Variants in TATDN2 observed in about 807,000 individuals in gnomAD.
TATDN2 encodes TatD DNase domain containing 2.
A neutral mutation model predicts 60.3 loss-of-function variants in TATDN2; 44 were observed. The observed-to-expected ratio is 0.73, with a 90% CI of 0.57 to 0.94. The LOEUF (loss-of-function observed/expected upper bound fraction) is 0.94, where lower values mean the gene tolerates loss of function less well. Among genes scored for constraint, TATDN2 ranks in the 40% least tolerant of loss-of-function variants. The pLI is 0.00. For synonymous variants in TATDN2, 399 were observed against 355.8 expected, an observed-to-expected ratio of 1.12 and a Z score of -1.37; for missense variants, 997 against 948.0, an observed-to-expected ratio of 1.05 and a Z score of -0.68.
chr3:10,257,248 G>A (rs962945401), intron 2 of TATDN2, among the ~76,000 whole-genome samples: 1 of 148,208 alleles, frequency 6.7e-6, no homozygotes, highest in African/African-American at 2.5e-5. Context: ...GTTACACCCC[G>A]CACTCCAGCC....
chr3:10,273,642 T>TGATA (rs1698597241), intron 4 of TATDN2, among the ~76,000 whole-genome samples: 1 of 151,596 alleles, frequency 6.6e-6, no homozygotes, highest in Non-Finnish European at 1.5e-5. Context: ...CTGGGCAAGA[T>TGATA]GATAGGGTGA....
At chr3:10,252,297 C>A (rs1310997031) in intron 2 of TATDN2, among the ~76,000 whole-genome samples, 1 of 151,860 alleles carries the variant, frequency 6.6e-6, no homozygotes, top group Non-Finnish European at 1.5e-5. Context: ...ACTGTGCCAG[C>A]TGGATTGTCT....
In TATDN2 at chr3:10,280,891, G is replaced by T. The variant is rs1253594293; in HGVS notation, c.*1709G>T. ...CATCTCCTCTCCAGCAAGCCCTGAA[G>T]TCAGTAGTGCCTGCAGGTGAAACCA... On this transcript the variant is annotated 3_prime_UTR_variant, in exon 8 of 8. Coordinates refer to ENST00000448281, the MANE Select transcript of TATDN2 (RefSeq NM_014760.4). The T allele has an allele frequency of 6.5e-6, 1 of 152,988 alleles. No individual in the cohort carries two copies. Among genetic ancestry groups the T allele is most frequent in the East Asian group, 1.9e-4 (1 of 5,208 alleles). 9.5% of individuals were successfully genotyped at this position (152,988 alleles called of 1,614,324 possible). A position where few individuals can be genotyped will look rare whatever the true frequency, so the allele number is the denominator to read the frequency against.
chr3:10,270,073 G>T, intron 3 of TATDN2, 58 bp from the exon 4 acceptor site: 1 of 1,552,178 alleles, frequency 6.4e-7, no homozygotes. Flanking sequence ...ATGACAGCCT[G>T]GGAGGCCATC....
chr3:10,251,897 C>G (rs1170577403), intron 2 of TATDN2, among the ~76,000 whole-genome samples: 1 of 150,116 alleles, frequency 6.7e-6, no homozygotes, highest in Non-Finnish European at 1.5e-5. Flanking sequence ...GCCTGTAATC[C>G]CAGCACTTTG....
rs368694371 is a variant in TATDN2 at position 10,281,006 on chromosome 3, C to G, written c.*1824C>G. 6.6e-6 allele frequency: 1 copy of G among 152,230 alleles called. No individual in the cohort carries two copies. The highest frequency in any genetic ancestry group is 1.5e-5 in the Non-Finnish European group (1 of 68,054). The allele number at this position is 152,230 out of a possible 1,614,324, so 9.4% of individuals were successfully genotyped here. On this transcript the variant is annotated 3_prime_UTR_variant, in exon 8 of 8. Coordinates refer to ENST00000448281, the MANE Select transcript of TATDN2 (RefSeq NM_014760.4). ...ACCTGCCAAGGAAAAGCACAAGGTG[C>G]TATCTACTTTTCTCTCTAGGATTTA...
At position 10,266,148 on chromosome 3, in the gene TATDN2, C is replaced by T. The variant is rs183992444; in HGVS notation, c.949-3983C>T. Among the ~76,000 whole-genome samples the T allele has an allele frequency of 1.1e-4, 17 of 152,234 alleles. 1 individual carries two copies. In the South Asian group the frequency reaches 1.9e-3, roughly 17 times the overall value. On this transcript the variant is annotated intron_variant, in intron 3 of 7. Coordinates refer to ENST00000448281, the MANE Select transcript of TATDN2 (RefSeq NM_014760.4). Reference sequence around the variant, plus strand: ...TTCCCCTTGTAGGTTTATACCTTTTCGGATATATTTCCTGTAACTTTAGAA... The same window carrying T: ...TTCCCCTTGTAGGTTTATACCTTTTTGGATATATTTCCTGTAACTTTAGAA...
intron 3 of TATDN2, among the ~76,000 whole-genome samples, chr3:10,267,240 G>C (rs1173171104): frequency 6.6e-6 from 1 of 150,866 alleles, no homozygotes; most frequent in Non-Finnish European, 1.5e-5. Context: ...TTGAATATCG[G>C]CAGTCTCCTC....
At position 10,270,362 on chromosome 3, in the gene TATDN2, A is replaced by T; in HGVS notation, c.1180A>T (p.Ser394Cys). Residue 394 changes from serine to cysteine, a missense_variant, in exon 4 of 8, where the codon AGC becomes TGC. By Grantham distance (112) the Ser-to-Cys change is moderately radical. Coordinates refer to ENST00000448281, the MANE Select transcript of TATDN2 (RefSeq NM_014760.4). ...TTGGACCAGCAGCCCCAAGCCTTCT[A>T]GCTACCCCTCCACAGGCAGCAGCAG... ...SYWTSSPKPS[S>C]YPSTGSSSND... 1 of 1,614,164 alleles carries T rather than the reference A, an allele frequency of 6.2e-7. No homozygotes were observed. Among genetic ancestry groups the T allele is most frequent in the Non-Finnish European group, 8.5e-7 (1 of 1,180,022 alleles).
intron 4 of TATDN2, 73 bp from the exon 5 acceptor site, chr3:10,276,288 C>T: frequency 1.3e-6 from 2 of 1,565,300 alleles, no homozygotes; most frequent in South Asian, 1.2e-5. Context: ...GCCTGCTGGA[C>T]TGGGCGTTCC....
At position 10,260,298 on chromosome 3, in the gene TATDN2, G is replaced by C; in HGVS notation, c.576G>C (p.Gln192His). The C allele has an allele frequency of 6.2e-7, 1 of 1,614,186 alleles. No homozygotes were observed. Reference protein sequence around the residue: ...GSTMIYLKAIQGILGKSMPKR... With the variant: ...GSTMIYLKAIHGILGKSMPKR... Reference sequence around the variant, plus strand: ...CAATGATCTACCTGAAGGCTATCCAGGGCATCCTGGGGAAATCGATGCCAA... The same window carrying C: ...CAATGATCTACCTGAAGGCTATCCACGGCATCCTGGGGAAATCGATGCCAA... The change falls in exon 3 of 8, where the codon CAG becomes CAC. Residue 192 changes from glutamine (Q) to histidine (H), a missense_variant. Coordinates refer to ENST00000448281, the MANE Select transcript of TATDN2 (RefSeq NM_014760.4).
intron 2 of TATDN2, among the ~76,000 whole-genome samples, chr3:10,252,086 T>G (rs146004244): frequency 0.037 from 5,405 of 144,738 alleles, 155 homozygotes; most frequent in Non-Finnish European, 0.058. Flanking sequence ...AGGCAGAGCT[T>G]GCAGTGAACC....
In TATDN2 at chr3:10,276,497, A is replaced by G. The variant is rs751873985; in HGVS notation, c.1961+9A>G. On this transcript the variant is annotated intron_variant, in intron 5 of 7. Transcript: ENST00000448281. The stretch of plus-strand genomic sequence containing the variant: ...GACTACAAGATCCATAGGTTAGAAG[A>G]CTGGAACTTCAGCGGGCAAATGAAA... The G allele has an allele frequency of 2.5e-6, 4 of 1,613,096 alleles. No homozygotes were observed. Among genetic ancestry groups the G allele is most frequent in the South Asian group, 1.1e-5 (1 of 90,906 alleles).
intron 2 of TATDN2, among the ~76,000 whole-genome samples, 187 bp downstream of exon 2, chr3:10,249,801 T>A (rs1358367492): frequency 6.6e-6 from 1 of 152,176 alleles, no homozygotes; most frequent in African/African-American, 2.4e-5. Flanking sequence ...GGCCTGAAGT[T>A]AAGTAGAGAG....
chr3:10,261,896 C>G (rs946134985), intron 3 of TATDN2, among the ~76,000 whole-genome samples: 1 of 152,210 alleles, frequency 6.6e-6, no homozygotes, highest in Non-Finnish European at 1.5e-5. Context: ...ATTAGCTTCC[C>G]CTTTCTGCAG....
intron 3 of TATDN2, among the ~76,000 whole-genome samples, chr3:10,265,905 G>T (rs1000581076): frequency 1.3e-5 from 2 of 152,072 alleles, no homozygotes; most frequent in African/African-American, 4.8e-5. Flanking sequence ...ATTTTCATCT[G>T]CGGCTTCACC....
At chr3:10,260,934 C>T (rs974083309) in intron 3 of TATDN2, among the ~76,000 whole-genome samples, 1 of 151,034 alleles carries the variant, frequency 6.6e-6, no homozygotes, top group African/African-American at 2.4e-5. Flanking sequence ...AGGCCAAAAT[C>T]ACAGTGGCTT....
chr3:10,274,134 G>T (rs549010235), intron 4 of TATDN2, among the ~76,000 whole-genome samples: 5 of 152,148 alleles, frequency 3.3e-5, no homozygotes, highest in Non-Finnish European at 5.9e-5. Context: ...CTTCACTCCT[G>T]TTGTTTTTCA....
chr3:10,251,756 G>A (rs918464661), intron 2 of TATDN2, among the ~76,000 whole-genome samples: 10 of 151,888 alleles, frequency 6.6e-5, no homozygotes, highest in East Asian at 3.9e-4. Context: ...GTGCAGTGGC[G>A]CAATCATGTC....
Sources: allele counts gnomAD v4.1 joint callset (sites outside exome capture counted in the v4.1 genomes callset), GRCh38; gene constraint gnomAD v4.1.1; transcripts MANE v1.5; gene names NCBI Gene and HGNC (gene_info 2026-07-23, HGNC 2026-07-21).